Variants in AP1B1 observed in about 807,000 individuals in gnomAD.
AP1B1 encodes AP-1 complex subunit beta-1.
AP1B1 carries 36 observed loss-of-function variants against 104.3 expected under a neutral mutation model. The ratio of observed to expected loss-of-function variants is 0.35; its 90% CI spans 0.26 to 0.46. The LOEUF is 0.46. Ranked by LOEUF, AP1B1 falls within the 20% of genes least tolerant of loss-of-function variation. AP1B1 has a pLI of 1.00. For missense variants in AP1B1, 901 were observed against 1,247.9 expected (o/e 0.72, Z 4.19); for synonymous variants, 504 against 517.5 (o/e 0.97, Z 0.35).
intron 10 of AP1B1, 54 bp from the exon 11 acceptor site, chr22:29,349,437 C>T: frequency 6.3e-7 from 1 of 1,591,696 alleles, no homozygotes; most frequent in Non-Finnish European, 8.6e-7. Flanking sequence ...ACGGGAAACC[C>T]AGGGAAGCCA....
At chr22:29,348,612 G>T (rs1342024257) in intron 11 of AP1B1, among the ~76,000 whole-genome samples, 1 of 152,188 alleles carries the variant, frequency 6.6e-6, no homozygotes, top group African/African-American at 2.4e-5. Flanking sequence ...TGACAAAAAC[G>T]TTGGGTCTAG....
chr22:29,363,459 C>T (rs1399494522), intron 2 of AP1B1, among the ~76,000 whole-genome samples: 1 of 152,080 alleles, frequency 6.6e-6, no homozygotes, highest in Non-Finnish European at 1.5e-5. Context: ...ACCATCCTGG[C>T]CAACATAGTG....
chr22:29,346,633 T>C (rs1164045471), intron 11 of AP1B1, among the ~76,000 whole-genome samples: 1 of 152,156 alleles, frequency 6.6e-6, no homozygotes, highest in Non-Finnish European at 1.5e-5. Flanking sequence ...CAGGCCATGG[T>C]GGCCCGGGGG....
chr22:29,381,317 G>T (rs1055508431), intron 1 of AP1B1, among the ~76,000 whole-genome samples: 1 of 151,892 alleles, frequency 6.6e-6, no homozygotes, highest in South Asian at 2.1e-4. Flanking sequence ...ATATACTTAC[G>T]TTGTCTATTC....
At chr22:29,342,728 T>G (rs949604768) in intron 11 of AP1B1, among the ~76,000 whole-genome samples, 16 of 152,198 alleles carry the variant, frequency 1.1e-4, no homozygotes, top group African/African-American at 3.9e-4. Flanking sequence ...GCTGGAGTGC[T>G]TCTTATCAGG....
intron 1 of AP1B1, among the ~76,000 whole-genome samples, chr22:29,388,208 G>A (rs558431209): frequency 2.3e-4 from 35 of 152,200 alleles, no homozygotes; most frequent in Non-Finnish European, 4.6e-4. Flanking sequence ...AGGTGCTGCG[G>A]GTATGGGGCG....
chr22:29,330,743 G>A (rs775148176), intron 19 of AP1B1, 34 bp from the exon 20 acceptor site: 1 of 1,577,154 alleles, frequency 6.3e-7, no homozygotes, highest in African/African-American at 1.3e-5. Context: ...TGAGAGGCGA[G>A]CCCCTCATAA....
Position 29,340,729 on chromosome 22 carries a change from CTCACTGGGGGGCCGA to C in AP1B1, c.1910_1924del (p.Leu637_Ser642delinsArg). 6.3e-7 allele frequency: 1 copy of C among 1,594,334 alleles called. No individual in the cohort carries two copies. The highest frequency in any genetic ancestry group is 2.3e-5 in the East Asian group (1 of 44,204). ...CGAGGAGGTGGCCAGGGGTGGGCCG[CTCACTGGGGGGCCGA>C]GGTCCAGGTTGAGGAGGTCACCCAG... On this transcript the variant is annotated inframe_deletion, in exon 14 of 23. Transcript: ENST00000357586.
chr22:29,363,257 C>T, intron 2 of AP1B1, 151 bp from the exon 3 acceptor site: 1 of 603,882 alleles, frequency 1.7e-6, no homozygotes, highest in Non-Finnish European at 3.0e-6. Flanking sequence ...CTCAGGTGGG[C>T]CAGGCAACAG....
intron 1 of AP1B1, among the ~76,000 whole-genome samples, chr22:29,383,546 T>G (rs2148060460): frequency 6.6e-6 from 1 of 151,796 alleles, no homozygotes; most frequent in East Asian, 1.9e-4. Context: ...CCGTCTTTAT[T>G]AAAAATAGAA....
intron 16 of AP1B1, 86 bp from the exon 17 acceptor site, chr22:29,334,496 C>A: frequency 6.9e-7 from 1 of 1,444,706 alleles, no homozygotes; most frequent in East Asian, 2.5e-5. Flanking sequence ...TGCTTTTTCT[C>A]TCTCTCTCCT....
chr22:29,330,367 G>C lies in AP1B1; in HGVS notation c.2766+11C>G. 6.2e-7 allele frequency: 1 copy of C among 1,612,666 alleles called. No homozygotes were observed. Among genetic ancestry groups the C allele is most frequent in the East Asian group, 2.2e-5 (1 of 44,858 alleles). ...GCTCCAAGGCTGCAGGGCGGGTGCC[G>C]GGGCTCTCACCGTGCAGCTGGGGTT... On this transcript the variant is annotated intron_variant, in intron 21 of 22. Transcript: ENST00000357586.
At position 29,339,769 on chromosome 22, in the gene AP1B1, C is replaced by A; in HGVS notation, c.2004G>T (p.Gly668=). The A allele has an allele frequency of 6.2e-7, 1 of 1,608,278 alleles. No individual in the cohort carries two copies. Among genetic ancestry groups the A allele is most frequent in the Non-Finnish European group, 8.5e-7 (1 of 1,177,558 alleles). The change falls in exon 15 of 23, where the codon GGG becomes GGT. Residue 668 remains glycine, a synonymous_variant. Coordinates refer to ENST00000357586, the MANE Select transcript of AP1B1 (RefSeq NM_001127.4). The part of the protein sequence containing the change: ...LLGGGLDSLM[G]DEPEGIGGTN... ...TGAACCATACCCCTTCAGGCTCATC[C>A]CCCATCTCCAAGCAGAAGCAGGCAG...
chr22:29,350,041 G>C lies in AP1B1; in HGVS notation c.1265C>G (p.Pro422Arg). The C allele has an allele frequency of 1.2e-6, 2 of 1,613,988 alleles. No homozygotes were observed. The highest frequency in any genetic ancestry group is 1.7e-6 in the Non-Finnish European group (2 of 1,179,834). ...VVIKDIFRKY[P>R]NKYESVIATL... is the part of the protein sequence containing the mutation. ...TAGGAGGGCGGGCACGCACTTGTTG[G>C]GGTACTTGCGGAAGATGTCCTTGAT... is the stretch of plus-strand genomic sequence containing the variant. The change falls in exon 10 of 23, where the codon CCC becomes CGC. Residue 422 changes from proline to arginine, a missense_variant. By Grantham distance (103) the Pro-to-Arg change is moderately radical. Around this residue, in one of 3 missense-constraint regions of AP1B1, gnomAD observed 471 missense variants for 696.7 expected, o/e 0.68. Transcript: ENST00000357586.
intron 21 of AP1B1, 76 bp downstream of exon 21, chr22:29,330,302 C>A: frequency 6.3e-7 from 1 of 1,594,920 alleles, no homozygotes. Context: ...TGGACCGCGT[C>A]CTCCACCAGG....
At chr22:29,343,857 T>C (rs1231453493) in intron 11 of AP1B1, among the ~76,000 whole-genome samples, 2 of 152,030 alleles carry the variant, frequency 1.3e-5, no homozygotes, top group Admixed American at 6.5e-5. Flanking sequence ...ACACCTGTAA[T>C]CCCAGCACTT....
intron 2 of AP1B1, among the ~76,000 whole-genome samples, chr22:29,366,870 ACACACACACAC>A (rs1175589643): frequency 6.8e-6 from 1 of 147,828 alleles, no homozygotes; most frequent in Non-Finnish European, 1.5e-5. Flanking sequence ...ACACACACAC[ACACACACACAC>A]AACTGCTGTG....
Position 29,373,437 on chromosome 22 carries a change from G to A in AP1B1, c.-27-6167C>T, listed in dbSNP as rs1250270381. Among the ~76,000 whole-genome samples the A allele has an allele frequency of 2.6e-5, 4 of 152,194 alleles. No individual in the cohort carries two copies. The East Asian group carries it at 5.8e-4, about 22-fold the overall frequency. On this transcript the variant is annotated intron_variant, in intron 1 of 22. Transcript: ENST00000357586. ...ATTTCATGTGTACAAAGCTCTAAGA[G>A]GCAAACCTAAGCTACGGTGATAACA...
In AP1B1 at chr22:29,328,910, G is replaced by A; in HGVS notation, c.2776-15C>T. 6.2e-7 allele frequency: 1 copy of A among 1,603,634 alleles called. No individual in the cohort carries two copies. The highest frequency in any genetic ancestry group is 8.5e-7 in the Non-Finnish European group (1 of 1,177,084). On this transcript the variant is annotated splice_polypyrimidine_tract_variant and intron_variant, in intron 22 of 22. Coordinates refer to ENST00000357586, the MANE Select transcript of AP1B1 (RefSeq NM_001127.4). The surrounding 1 kb of genome is among the most constrained non-coding windows in gnomAD (Gnocchi z 4.1). The stretch of plus-strand genomic sequence containing the variant: ...TTCAGGGACAGCTGCAGGGGAGAGA[G>A]GGGTCGGGGGAAAGAGCGCTCATCC...
Sources: allele counts gnomAD v4.1 joint callset (sites outside exome capture counted in the v4.1 genomes callset), GRCh38; gene constraint gnomAD v4.1.1; regional missense constraint gnomAD v4.1.1; non-coding constraint Gnocchi (gnomAD v3.1); transcripts MANE v1.5; gene names NCBI Gene and HGNC (gene_info 2026-07-23, HGNC 2026-07-21).